NOMO1: variants seen among roughly 807,000 people sequenced by gnomAD.
The protein encoded by NOMO1 is nodal modulator 3.
A neutral mutation model predicts 133.8 loss-of-function variants in NOMO1; 40 were observed. The ratio of observed to expected loss-of-function variants is 0.30; its 90% CI spans 0.23 to 0.39. The LOEUF (loss-of-function observed/expected upper bound fraction) is 0.39, where lower values mean the gene tolerates loss of function less well. Among genes scored for constraint, NOMO1 ranks in the 10% least tolerant of loss-of-function variants. The probability of loss-of-function intolerance (pLI) is 1.00; values close to 1 mark genes in which losing one functional copy is unlikely to be tolerated. For synonymous variants in NOMO1, 236 were observed against 570.5 expected (o/e 0.41, Z 8.36); for missense variants, 462 against 1,419.9 (o/e 0.33, Z 10.84).
At chr16:14,845,561 G>A (rs1369737637) in intron 4 of NOMO1, among the ~76,000 whole-genome samples, 3 of 151,988 alleles carry the variant, frequency 2.0e-5, no homozygotes, top group Non-Finnish European at 2.9e-5. Context: ...GAGTCCTAAT[G>A]GGTGTGTGCC....
chr16:14,885,044 C>T (rs940661484), intron 27 of NOMO1, among the ~76,000 whole-genome samples: 1 of 151,954 alleles, frequency 6.6e-6, no homozygotes, highest in Non-Finnish European at 1.5e-5. Flanking sequence ...GTGGGAGAAG[C>T]TGGAGCAAAA....
At chr16:14,886,627 A>G in intron 27 of NOMO1, 134 bp from the exon 28 acceptor site, 1 of 1,224,202 alleles carries the variant, frequency 8.2e-7, no homozygotes, top group Non-Finnish European at 1.2e-6. Flanking sequence ...ATGTCTATGG[A>G]GGGAGCTTTC....
intron 2 of NOMO1, among the ~76,000 whole-genome samples, chr16:14,840,702 C>A (rs1346274040): frequency 1.3e-5 from 2 of 149,428 alleles, no homozygotes; most frequent in African/African-American, 2.5e-5. Flanking sequence ...CCCTCCGCTG[C>A]CCATGCTGGA....
At chr16:14,882,702 C>T in intron 26 of NOMO1, 25 bp downstream of exon 26, 3 of 1,611,646 alleles carry the variant, frequency 1.9e-6, no homozygotes, top group African/African-American at 1.3e-5. Flanking sequence ...GCTGCCGCTG[C>T]ACCTGGGTGT....
Position 14,857,709 on chromosome 16 carries a change from T to C in NOMO1, c.1220+54T>C, listed in dbSNP as rs1172930622. ...CCAGTAAATATGCTGGCAGCCAGTG[T>C]AGAACCGAATGACCTGTGATCTGTG... is the stretch of plus-strand genomic sequence containing the variant. On this transcript the variant is annotated intron_variant, in intron 11 of 30. Transcript: ENST00000287667. 6 of 1,611,316 alleles carry C rather than the reference T, an allele frequency of 3.7e-6. No individual in the cohort carries two copies. In the Admixed American group the frequency reaches 6.7e-5, roughly 18 times the overall value.
chr16:14,895,350 CATT>C (rs1210499525), intron 30 of NOMO1, among the ~76,000 whole-genome samples, 161 bp from the exon 31 acceptor site: 4 of 147,520 alleles, frequency 2.7e-5, no homozygotes, highest in Non-Finnish European at 4.4e-5. Flanking sequence ...CCTGGGGACT[CATT>C]AGTAAGAGGC....
At chr16:14,859,479 A>T (rs1029131319) in intron 11 of NOMO1, among the ~76,000 whole-genome samples, 1 of 151,944 alleles carries the variant, frequency 6.6e-6, no homozygotes, top group African/African-American at 2.4e-5. Flanking sequence ...TGTTCCAGAG[A>T]TGGGGCTTTC....
chr16:14,884,272 C>T (rs935067138), intron 26 of NOMO1, 100 bp from the exon 27 acceptor site: 2 of 1,520,162 alleles, frequency 1.3e-6, no homozygotes, highest in African/African-American at 2.8e-5. Context: ...ATGTAAGAAG[C>T]AAAGTTTGCC....
intron 22 of NOMO1, among the ~76,000 whole-genome samples, chr16:14,878,485 C>A (rs1964191217): frequency 1.8e-5 from 2 of 113,298 alleles, no homozygotes; most frequent in South Asian, 6.5e-4. Context: ...CAGAGCAAGA[C>A]CCTGTCTCAA....
At position 14,846,589 on chromosome 16, in the gene NOMO1, G is replaced by A; in HGVS notation, c.415G>A (p.Gly139Arg). The part of the protein sequence containing the change: ...FSVNGKVLSK[G>R]QPLGPAGVQV... ...TTCTCCATGGCAGGTCCTCAGCAAA[G>A]GGCAGCCCCTGGGTCCTGCGGGAGT... The change falls in exon 5 of 31, where the codon GGG (glycine) becomes AGG (arginine). Residue 139 changes from glycine (G) to arginine (R), a missense_variant. Transcript: ENST00000287667. 6 of 1,135,344 alleles carry A rather than the reference G, an allele frequency of 5.3e-6. No homozygotes were observed. Among genetic ancestry groups the A allele is most frequent in the Non-Finnish European group, 7.5e-6 (6 of 795,600 alleles). 70.3% of individuals were successfully genotyped at this position (1,135,344 alleles called of 1,614,324 possible). A position where few individuals can be genotyped will look rare whatever the true frequency, so the allele number is the denominator to read the frequency against.
chr16:14,838,267 C>T lies in NOMO1; in HGVS notation c.166-140C>T. On this transcript the variant is annotated intron_variant, in intron 1 of 30. Coordinates refer to ENST00000287667, the MANE Select transcript of NOMO1 (RefSeq NM_014287.4). ...AGAGTTTGTTGATTTCCCTCTGTCC[C>T]CAGTAATGCCCCGTGTTAAAAGCTG... 3.7e-6 allele frequency: 3 copies of T among 801,408 alleles called. No individual in the cohort carries two copies. In the South Asian group the frequency reaches 5.2e-5, roughly 14 times the overall value. The allele number at this position is 801,408 out of a possible 1,614,324, so 49.6% of individuals were successfully genotyped here. A position where few individuals can be genotyped will look rare whatever the true frequency, so the allele number is the denominator to read the frequency against.
At chr16:14,837,354 A>G (rs1473140629) in intron 1 of NOMO1, among the ~76,000 whole-genome samples, 4 of 152,090 alleles carry the variant, frequency 2.6e-5, no homozygotes, top group African/African-American at 9.7e-5. Flanking sequence ...CAGGTGCTTA[A>G]TATGCATTGA....
At chr16:14,843,702 T>G (rs2151893102) in intron 3 of NOMO1, among the ~76,000 whole-genome samples, 1 of 132,446 alleles carries the variant, frequency 7.6e-6, no homozygotes, top group Non-Finnish European at 1.6e-5. Flanking sequence ...TTGCCCATTT[T>G]TTATTGGAGT....
At chr16:14,857,770 G>A (rs2151896858) in intron 11 of NOMO1, 115 bp downstream of exon 11, 19 of 1,141,066 alleles carry the variant, frequency 1.7e-5, no homozygotes, top group Non-Finnish European at 2.1e-5. Context: ...AGAAAGATTA[G>A]TACTTTTTTT....
At chr16:14,889,380 A>T (rs1183704543) in intron 29 of NOMO1, among the ~76,000 whole-genome samples, 165 bp downstream of exon 29, 1 of 151,958 alleles carries the variant, frequency 6.6e-6, no homozygotes, top group Non-Finnish European at 1.5e-5. Context: ...AAAAATACAA[A>T]AATTAACCGG....
chr16:14,890,012 AAACC>A (rs990482545), intron 29 of NOMO1, among the ~76,000 whole-genome samples: 3 of 131,418 alleles, frequency 2.3e-5, no homozygotes, highest in African/African-American at 8.7e-5. Flanking sequence ...AAGGAAAAAA[AAACC>A]AACAACAGAT....
chr16:14,871,080 T>A (rs1325436705), intron 16 of NOMO1, among the ~76,000 whole-genome samples: 1 of 150,970 alleles, frequency 6.6e-6, no homozygotes, highest in Admixed American at 6.6e-5. Context: ...ACATTGTTAT[T>A]CCTTGTATCT....
At chr16:14,867,176 ATTTTT>A (rs1174703237) in intron 15 of NOMO1, among the ~76,000 whole-genome samples, 3 of 7,478 alleles carry the variant, frequency 4.0e-4, no homozygotes, top group African/African-American at 5.4e-4. Context: ...ATATATATAT[ATTTTT>A]TTTTTTTTTT....
chr16:14,882,958 T>G (rs1328233398), intron 26 of NOMO1, among the ~76,000 whole-genome samples: 2 of 152,100 alleles, frequency 1.3e-5, no homozygotes, highest in African/African-American at 4.8e-5. Context: ...TTAAGGAACT[T>G]AAGGCCTAAG....
Sources: allele counts gnomAD v4.1 joint callset (sites outside exome capture counted in the v4.1 genomes callset), GRCh38; gene constraint gnomAD v4.1.1; transcripts MANE v1.5; gene names NCBI Gene and HGNC (gene_info 2026-07-23, HGNC 2026-07-21).